Variants in ADAM7 observed in about 807,000 individuals in gnomAD.
ADAM7 encodes the protein ADAM metallopeptidase domain 7.
In ADAM7, 97 loss-of-function variants were observed where a neutral mutation model predicts 102.9. The ratio of observed to expected loss-of-function variants is 0.94; its 90% CI spans 0.80 to 1.12. ADAM7 has a LOEUF of 1.12. ADAM7 is among the 50% of genes most tolerant of loss of function. The probability of loss-of-function intolerance (pLI) is 0.00; values close to 1 mark genes in which losing one functional copy is unlikely to be tolerated. For missense variants in ADAM7, 991 were observed against 908.7 expected (o/e 1.09, Z -1.16); for synonymous variants, 334 against 304.4 (o/e 1.10, Z -1.01).
At position 24,507,462 on chromosome 8, in the gene ADAM7, A is replaced by G. The variant is rs1381081254; in HGVS notation, c.2209-18A>G. The G allele has an allele frequency of 6.9e-6, 11 of 1,602,082 alleles. No individual in the cohort carries two copies. The highest frequency in any genetic ancestry group is 4.0e-5 in the African/African-American group (3 of 74,602). ...CATCTGATGTGGCACATGATACAAC[A>G]TAATTTATTTATTATAGAAACCTGC... is the stretch of plus-strand genomic sequence containing the variant. On this transcript the variant is annotated intron_variant, in intron 20 of 21. Coordinates refer to ENST00000175238, the MANE Select transcript of ADAM7 (RefSeq NM_003817.4).
At position 24,509,228 on chromosome 8, in the gene ADAM7, A is replaced by C. The variant is rs1256673901; in HGVS notation, c.*682A>C. 31 of 985,352 alleles carry C rather than the reference A, an allele frequency of 3.1e-5. No individual in the cohort carries two copies. The highest frequency in any genetic ancestry group is 3.7e-5 in the Non-Finnish European group (31 of 829,984). The allele number at this position is 985,352 out of a possible 1,614,324, so 61.0% of individuals were successfully genotyped here. Reference sequence around the variant, plus strand: ...GAAATCAGAGGGTTACAAGAATTTCAGAAAATTTACTCCAAGTGAGAGGAC... The same window carrying C: ...GAAATCAGAGGGTTACAAGAATTTCCGAAAATTTACTCCAAGTGAGAGGAC... On this transcript the variant is annotated 3_prime_UTR_variant, in exon 22 of 22. Transcript: ENST00000175238.
chr8:24,480,589 GAA>G (rs1245794209), intron 8 of ADAM7, among the ~76,000 whole-genome samples: 5 of 152,096 alleles, frequency 3.3e-5, no homozygotes, highest in Non-Finnish European at 5.9e-5. Flanking sequence ...CTTATGAGAA[GAA>G]AATATCATCA....
At chr8:24,452,221 C>A (rs931566096) in intron 3 of ADAM7, among the ~76,000 whole-genome samples, 1 of 150,758 alleles carries the variant, frequency 6.6e-6, no homozygotes, top group African/African-American at 2.4e-5. Context: ...CTTTCTGTCT[C>A]GTTGATCTGT....
At chr8:24,484,684 C>T (rs779745774) in intron 9 of ADAM7, among the ~76,000 whole-genome samples, 32 of 151,982 alleles carry the variant, frequency 2.1e-4, no homozygotes, top group Admixed American at 3.9e-4. Flanking sequence ...GTGGTTTTAT[C>T]CAAAGCTGAG....
Position 24,465,678 on chromosome 8 carries a change from TAG to T in ADAM7, c.313-18_313-17del, listed in dbSNP as rs1819401004. The T allele has an allele frequency of 1.3e-6, 2 of 1,510,244 alleles. No individual in the cohort carries two copies. The highest frequency in any genetic ancestry group is 1.8e-6 in the Non-Finnish European group (2 of 1,107,472). The allele number at this position is 1,510,244 out of a possible 1,614,324, so 93.6% of individuals were successfully genotyped here. The stretch of plus-strand genomic sequence containing the variant: ...AAATCAATATTTATACATATAGTAA[TAG>T]AGTCTTCTTCTATTTTAGGATCATT... On this transcript the variant is annotated intron_variant, in intron 4 of 21. Coordinates refer to ENST00000175238, the MANE Select transcript of ADAM7 (RefSeq NM_003817.4).
chr8:24,468,659 A>G lies in ADAM7; in HGVS notation c.580-108A>G, dbSNP rs963803339. On this transcript the variant is annotated intron_variant, in intron 6 of 21. Transcript: ENST00000175238. ...TTCATATGCCTCCCCATTTTGTATC[A>G]ATATCAACATTTCTTACCTTGAAAA... The G allele has an allele frequency of 4.5e-6, 4 of 892,024 alleles. No homozygotes were observed. The South Asian group carries it at 4.5e-5, about 10-fold the overall frequency. The allele number at this position is 892,024 out of a possible 1,614,324, so 55.3% of individuals were successfully genotyped here.
chr8:24,508,535 T>G lies in ADAM7; in HGVS notation c.*-11T>G. On this transcript the variant is annotated splice_polypyrimidine_tract_variant and intron_variant, in intron 21 of 21. Transcript: ENST00000175238. ...GAAACAATCTATTTTTAACCATCTG[T>G]TTCTATTTAGAGCTTGAAGTTGGAT... The G allele has an allele frequency of 6.2e-7, 1 of 1,613,412 alleles. No individual in the cohort carries two copies. The highest frequency in any genetic ancestry group is 8.5e-7 in the Non-Finnish European group (1 of 1,179,548).
chr8:24,451,711 T>C (rs1262179215), intron 3 of ADAM7, among the ~76,000 whole-genome samples: 1 of 151,268 alleles, frequency 6.6e-6, no homozygotes, highest in Non-Finnish European at 1.5e-5. Context: ...GTGTTTGCTC[T>C]TGCTTTTCTA....
Position 24,500,176 on chromosome 8 carries a change from A to G in ADAM7, c.1924-2A>G. The G allele has an allele frequency of 6.2e-7, 1 of 1,609,630 alleles. No individual in the cohort carries two copies. Reference sequence around the variant, plus strand: ...AGAATATATCATTGACTGCTCTTCCAGGTGGATGGCCACGGACTCCAGTGC... The same window carrying G: ...AGAATATATCATTGACTGCTCTTCCGGGTGGATGGCCACGGACTCCAGTGC... On this transcript the variant is annotated splice_acceptor_variant, in intron 17 of 21. Coordinates refer to ENST00000175238, the MANE Select transcript of ADAM7 (RefSeq NM_003817.4). LOFTEE classifies it high-confidence loss of function.
chr8:24,508,973 T>C lies in ADAM7; in HGVS notation c.*427T>C, dbSNP rs1013709835. The C allele has an allele frequency of 4.0e-6, 4 of 1,003,572 alleles. No homozygotes were observed. Among genetic ancestry groups the C allele is most frequent in the Middle Eastern group, 5.0e-4 (1 of 2,004 alleles). The allele number at this position is 1,003,572 out of a possible 1,614,324, so 62.2% of individuals were successfully genotyped here. A position where few individuals can be genotyped will look rare whatever the true frequency, so the allele number is the denominator to read the frequency against. ...TACGTTTTAAAACTTGAACATGACA[T>C]CATTAGCACTAATTCTGGTTTAAAT... is the stretch of plus-strand genomic sequence containing the variant. On this transcript the variant is annotated 3_prime_UTR_variant, in exon 22 of 22. Transcript: ENST00000175238.
At chr8:24,497,051 G>T (rs1453014980) in intron 16 of ADAM7, among the ~76,000 whole-genome samples, 1 of 152,170 alleles carries the variant, frequency 6.6e-6, no homozygotes, top group East Asian at 1.9e-4. Context: ...AGTGAATCAT[G>T]AGAGCAGGTC....
intron 7 of ADAM7, among the ~76,000 whole-genome samples, chr8:24,475,657 A>G (rs1819744549): frequency 6.6e-6 from 1 of 152,098 alleles, no homozygotes; most frequent in Non-Finnish European, 1.5e-5. Context: ...CTTTAAGGTA[A>G]CAGGACAGCA....
intron 3 of ADAM7, among the ~76,000 whole-genome samples, chr8:24,452,826 G>C (rs1818852949): frequency 1.3e-5 from 2 of 151,418 alleles, no homozygotes; most frequent in African/African-American, 4.9e-5. Context: ...TCCTTCAGGA[G>C]CTCTTGTAGG....
chr8:24,461,276 C>T (rs1426861108), intron 3 of ADAM7, among the ~76,000 whole-genome samples: 1 of 152,106 alleles, frequency 6.6e-6, no homozygotes, highest in Non-Finnish European at 1.5e-5. Context: ...ACAGGCTGAG[C>T]CACTACGCCC....
chr8:24,479,235 G>A (rs139692161), intron 8 of ADAM7, among the ~76,000 whole-genome samples: 1 of 152,052 alleles, frequency 6.6e-6, no homozygotes, highest in African/African-American at 2.4e-5. Context: ...CAGTCTTAGG[G>A]AAGCCCTGTC....
At chr8:24,459,591 G>A (rs1375912099) in intron 3 of ADAM7, among the ~76,000 whole-genome samples, 1 of 152,012 alleles carries the variant, frequency 6.6e-6, no homozygotes, top group Non-Finnish European at 1.5e-5. Context: ...GAGTATCTGA[G>A]ACTGAAGCCA....
At chr8:24,506,755 A>G (rs1191002951) in intron 20 of ADAM7, among the ~76,000 whole-genome samples, 16 of 27,572 alleles carry the variant, frequency 5.8e-4, no homozygotes, top group Admixed American at 2.1e-3. Flanking sequence ...GAGTCAAAGC[A>G]CACACACACA....
At chr8:24,501,135 T>G (rs1474145456) in intron 19 of ADAM7, among the ~76,000 whole-genome samples, 1 of 152,210 alleles carries the variant, frequency 6.6e-6, no homozygotes, top group African/African-American at 2.4e-5. Flanking sequence ...TGATGTGGGT[T>G]GAAGACATTG....
chr8:24,491,444 A>C (rs1199289161), intron 13 of ADAM7, among the ~76,000 whole-genome samples: 2 of 152,176 alleles, frequency 1.3e-5, no homozygotes, highest in Non-Finnish European at 1.5e-5. Flanking sequence ...GAATGAGAGA[A>C]TATCTCTATG....
Sources: allele counts gnomAD v4.1 joint callset (sites outside exome capture counted in the v4.1 genomes callset), GRCh38; gene constraint gnomAD v4.1.1; transcripts MANE v1.5; gene names NCBI Gene and HGNC (gene_info 2026-07-23, HGNC 2026-07-21).